The following CNTNAP2 variants were observed in gnomAD, a reference collection of about 807,000 sequenced individuals.
CNTNAP2 encodes the protein contactin associated protein 2.
In CNTNAP2, 98 loss-of-function variants were observed where a neutral mutation model predicts 155.2. That is an observed-to-expected ratio of 0.63 (90% confidence interval 0.54 to 0.75). The LOEUF is 0.75. CNTNAP2 is among the 30% of genes least tolerant of loss of function. The pLI, the probability that CNTNAP2 is intolerant of heterozygous loss-of-function variation, is 0.00. For synonymous variants in CNTNAP2, 651 were observed against 631.2 expected (o/e 1.03, Z -0.47); for missense variants, 1,727 against 1,688.1 (o/e 1.02, Z -0.40).
chr7:146,216,528 T>C (rs1374155189), intron 1 of CNTNAP2, among the ~76,000 whole-genome samples: 1 of 152,182 alleles, frequency 6.6e-6, no homozygotes, highest in African/African-American at 2.4e-5. Flanking sequence ...CAGAAGCAAC[T>C]GCCGATCAGC....
intron 10 of CNTNAP2, among the ~76,000 whole-genome samples, chr7:147,482,846 C>G (rs1293090755): frequency 2.0e-5 from 3 of 151,954 alleles, no homozygotes; most frequent in Non-Finnish European, 4.4e-5. Context: ...CGGAGTTCGG[C>G]ACCAGCCTGA....
At chr7:146,323,273 A>G (rs1801037388) in intron 1 of CNTNAP2, among the ~76,000 whole-genome samples, 1 of 152,072 alleles carries the variant, frequency 6.6e-6, no homozygotes, top group South Asian at 2.1e-4. Context: ...TGCTTTGTCT[A>G]AAGGTTCTTT....
intron 1 of CNTNAP2, among the ~76,000 whole-genome samples, chr7:146,435,348 G>A (rs980034885): frequency 6.6e-6 from 1 of 152,148 alleles, no homozygotes; most frequent in African/African-American, 2.4e-5. Flanking sequence ...GGCAATGTGA[G>A]TACCAGCTGC....
chr7:147,998,002 G>T (rs553053523), intron 15 of CNTNAP2, among the ~76,000 whole-genome samples: 1 of 151,958 alleles, frequency 6.6e-6, no homozygotes, highest in South Asian at 2.1e-4. Flanking sequence ...AGATAGCTTT[G>T]CTTGAACGAG....
intron 17 of CNTNAP2, among the ~76,000 whole-genome samples, chr7:148,164,583 T>C (rs963860043): frequency 6.8e-6 from 1 of 146,246 alleles, no homozygotes; most frequent in Non-Finnish European, 1.5e-5. Flanking sequence ...ACGACACCCA[T>C]CCTAACTCTG....
intron 1 of CNTNAP2, among the ~76,000 whole-genome samples, chr7:146,624,182 T>C (rs1585012300): frequency 7.0e-6 from 1 of 143,548 alleles, no homozygotes; most frequent in Admixed American, 6.7e-5. Flanking sequence ...AGAATATGTC[T>C]TGCAAATATT....
chr7:146,483,495 T>G (rs1797009843), intron 1 of CNTNAP2, among the ~76,000 whole-genome samples: 1 of 148,464 alleles, frequency 6.7e-6, no homozygotes, highest in Non-Finnish European at 1.5e-5. Flanking sequence ...TAAAGCTTGT[T>G]TGTGTGTGTG....
chr7:148,264,379 T>C (rs1796629780), intron 20 of CNTNAP2, among the ~76,000 whole-genome samples: 1 of 152,178 alleles, frequency 6.6e-6, no homozygotes, highest in African/African-American at 2.4e-5. Flanking sequence ...TCTATATCAT[T>C]TTTTCTATAA....
chr7:146,373,201 A>G (rs1584894691), intron 1 of CNTNAP2, among the ~76,000 whole-genome samples: 1 of 152,180 alleles, frequency 6.6e-6, no homozygotes, highest in Non-Finnish European at 1.5e-5. Context: ...ACAAACATCT[A>G]AGTAACTAAC....
chr7:146,634,482 T>A (rs1799565539), intron 1 of CNTNAP2, among the ~76,000 whole-genome samples: 1 of 152,226 alleles, frequency 6.6e-6, no homozygotes, highest in African/African-American at 2.4e-5. Context: ...AGAGAGATTT[T>A]TTTTATATTG....
chr7:146,135,993 A>T (rs1239032559), intron 1 of CNTNAP2, among the ~76,000 whole-genome samples: 2 of 152,078 alleles, frequency 1.3e-5, no homozygotes, highest in Non-Finnish European at 2.9e-5. Flanking sequence ...AATAGTGAAA[A>T]TATTAAGCTT....
chr7:147,321,043 A>G (rs931978647), intron 9 of CNTNAP2, among the ~76,000 whole-genome samples: 3 of 152,182 alleles, frequency 2.0e-5, no homozygotes, highest in Non-Finnish European at 4.4e-5. Context: ...GCAAATAACC[A>G]CACCTAAACA....
intron 3 of CNTNAP2, among the ~76,000 whole-genome samples, chr7:146,995,892 AT>A (rs1174031051): frequency 1.3e-5 from 2 of 151,880 alleles, no homozygotes; most frequent in African/African-American, 4.8e-5. Context: ...CCACTTGTCT[AT>A]TTTTTTGCAT....
intron 14 of CNTNAP2, among the ~76,000 whole-genome samples, chr7:147,907,217 T>C (rs1459542440): frequency 1.3e-5 from 2 of 151,938 alleles, no homozygotes; most frequent in South Asian, 4.2e-4. Context: ...CCACCACGCC[T>C]GGCTTATTTT....
chr7:146,182,839 G>A (rs1798568884), intron 1 of CNTNAP2, among the ~76,000 whole-genome samples: 1 of 151,990 alleles, frequency 6.6e-6, no homozygotes, highest in Non-Finnish European at 1.5e-5. Flanking sequence ...TACCTCTCTT[G>A]TAAGATCACA....
chr7:147,407,983 T>A (rs920706637), intron 10 of CNTNAP2, among the ~76,000 whole-genome samples: 2 of 152,226 alleles, frequency 1.3e-5, no homozygotes, highest in African/African-American at 4.8e-5. Context: ...GCAACATGTT[T>A]GTATAGGAGA....
intron 9 of CNTNAP2, among the ~76,000 whole-genome samples, chr7:147,327,092 A>G (rs1189058261): frequency 1.3e-5 from 2 of 152,122 alleles, no homozygotes; most frequent in Admixed American, 6.6e-5. Flanking sequence ...ATTTCTAAGC[A>G]TCATAAAACC....
At chr7:148,266,244 G>T (rs545496056) in intron 20 of CNTNAP2, among the ~76,000 whole-genome samples, 5 of 152,198 alleles carry the variant, frequency 3.3e-5, no homozygotes, top group Admixed American at 6.5e-5. Flanking sequence ...TTCCACCGGG[G>T]TGGGGGGCCC....
chr7:147,226,283 C>T (rs757665058), intron 8 of CNTNAP2, among the ~76,000 whole-genome samples: 7 of 152,144 alleles, frequency 4.6e-5, no homozygotes, highest in South Asian at 2.1e-4. Flanking sequence ...GCAATATGAT[C>T]GAGGTCTTTA....
Sources: allele counts gnomAD v4.1 joint callset (sites outside exome capture counted in the v4.1 genomes callset), GRCh38; gene constraint gnomAD v4.1.1; transcripts MANE v1.5; gene names NCBI Gene and HGNC (gene_info 2026-07-23, HGNC 2026-07-21).